Variants in ZFPM2 observed in about 807,000 individuals in gnomAD.
ZFPM2 encodes zinc finger protein ZFPM2.
A neutral mutation model predicts 98.6 loss-of-function variants in ZFPM2; 20 were observed. The ratio of observed to expected loss-of-function variants is 0.20; its 90% CI spans 0.14 to 0.29. ZFPM2 has a LOEUF of 0.29. Ranked by LOEUF, ZFPM2 falls within the 10% of genes least tolerant of loss-of-function variation. ZFPM2 has a pLI of 1.00. For missense variants in ZFPM2, 1,310 were observed against 1,388.6 expected, an observed-to-expected ratio of 0.94 and a Z score of 0.90; for synonymous variants, 518 against 502.7, an observed-to-expected ratio of 1.03 and a Z score of -0.41.
chr8:105,466,905 G>C (rs1449347027), intron 3 of ZFPM2, among the ~76,000 whole-genome samples: 4 of 151,940 alleles, frequency 2.6e-5, no homozygotes, highest in African/African-American at 9.7e-5. Context: ...TTTCTATTCA[G>C]ATAAAACTAG....
chr8:105,391,604 C>T (rs1352748084), intron 1 of ZFPM2, among the ~76,000 whole-genome samples: 1 of 152,172 alleles, frequency 6.6e-6, no homozygotes, highest in African/African-American at 2.4e-5. Flanking sequence ...TATTCTAAAT[C>T]CTTTATCATT....
intron 5 of ZFPM2, among the ~76,000 whole-genome samples, chr8:105,705,216 TGTA>T (rs1182416273): frequency 6.6e-6 from 1 of 152,098 alleles, no homozygotes; most frequent in Non-Finnish European, 1.5e-5. Context: ...TTTAATTTAA[TGTA>T]GTGTATATTT....
At chr8:105,384,025 T>C (rs1173173876) in intron 1 of ZFPM2, among the ~76,000 whole-genome samples, 4 of 152,184 alleles carry the variant, frequency 2.6e-5, no homozygotes, top group South Asian at 4.1e-4. Context: ...AACTGAAGTA[T>C]GCTTAGGAAA....
At chr8:105,514,190 A>G (rs1243783975) in intron 3 of ZFPM2, among the ~76,000 whole-genome samples, 1 of 151,228 alleles carries the variant, frequency 6.6e-6, no homozygotes, top group African/African-American at 2.4e-5. Flanking sequence ...TTTAGTAGAG[A>G]TGGGGTTTCA....
intron 1 of ZFPM2, among the ~76,000 whole-genome samples, chr8:105,357,095 T>C (rs1008630460): frequency 2.2e-5 from 3 of 139,236 alleles, no homozygotes; most frequent in Non-Finnish European, 4.9e-5. Context: ...TCCGGTGAAG[T>C]AGTACTGCTC....
intron 5 of ZFPM2, among the ~76,000 whole-genome samples, chr8:105,639,725 C>G (rs13254699): frequency 0.13 from 19,710 of 151,930 alleles, 1,322 homozygotes; most frequent in South Asian, 0.22. Context: ...TAAGTCAGTA[C>G]ACACTGAGAG....
intron 3 of ZFPM2, among the ~76,000 whole-genome samples, chr8:105,490,491 TAGAC>T (rs892822827): frequency 1.2e-4 from 18 of 152,228 alleles, no homozygotes; most frequent in Non-Finnish European, 2.5e-4. Flanking sequence ...CTGTAGCAGA[TAGAC>T]AGACCACAGC....
intron 5 of ZFPM2, among the ~76,000 whole-genome samples, chr8:105,641,644 C>T (rs1816950655): frequency 1.3e-5 from 2 of 152,024 alleles, no homozygotes; most frequent in Admixed American, 6.6e-5. Flanking sequence ...TATGCATTTA[C>T]TGTTTTTACT....
intron 7 of ZFPM2, among the ~76,000 whole-genome samples, chr8:105,799,830 A>T (rs563169013): frequency 6.6e-6 from 1 of 152,312 alleles, no homozygotes; most frequent in East Asian, 1.9e-4. Flanking sequence ...CTTTGCCTAG[A>T]TTAAATAATT....
chr8:105,759,029 G>A (rs1348261), intron 5 of ZFPM2, among the ~76,000 whole-genome samples: 89,543 of 151,910 alleles, frequency 0.59, 29,168 homozygotes, highest in African/African-American at 0.89. Flanking sequence ...TAAAGTATTT[G>A]CTGAATCCTT....
chr8:105,409,008 G>A (rs1287422246), intron 1 of ZFPM2, among the ~76,000 whole-genome samples: 3 of 151,774 alleles, frequency 2.0e-5, no homozygotes, highest in Non-Finnish European at 2.9e-5. Flanking sequence ...TTATAATAAG[G>A]TATTGGAGTG....
rs143880175 is a variant in ZFPM2, at chr8:105,528,620, T to C, written c.302-32743T>C. The stretch of plus-strand genomic sequence containing the variant: ...GGGTGGATTATTTGGAGAGATCGTG[T>C]ACAAATTATGATTAGGTCACAAAAG... On this transcript the variant is annotated intron_variant, in intron 3 of 7. Transcript: ENST00000407775. Among the ~76,000 whole-genome samples, 384 of 152,264 alleles carry C rather than the reference T, an allele frequency of 2.5e-3. 2 individuals carry two copies. The highest frequency in any genetic ancestry group is 8.1e-3 in the African/African-American group (338 of 41,556).
In ZFPM2 at chr8:105,663,613, T is replaced by C. The variant is rs185354984; in HGVS notation, c.532+29256T>C. On this transcript the variant is annotated intron_variant, in intron 5 of 7. Transcript: ENST00000407775. ...TATTACTTAACACTGATGAAGCATATTGCACTTCTCAAAGGACATTTGCTT... is the reference window on the plus strand; with the variant it reads ...TATTACTTAACACTGATGAAGCATACTGCACTTCTCAAAGGACATTTGCTT... Among the ~76,000 whole-genome samples the C allele has an allele frequency of 3.4e-4, 52 of 152,270 alleles. No individual in the cohort carries two copies. The East Asian group carries it at 9.3e-3, about 27-fold the overall frequency.
intron 3 of ZFPM2, among the ~76,000 whole-genome samples, chr8:105,501,688 T>C (rs1218456910): frequency 2.0e-5 from 3 of 151,572 alleles, no homozygotes; most frequent in Non-Finnish European, 2.9e-5. Flanking sequence ...AGTTTCACCA[T>C]CTTGGCCAGG....
chr8:105,472,889 CTTT>C (rs5893744), intron 3 of ZFPM2, among the ~76,000 whole-genome samples: 73 of 109,366 alleles, frequency 6.7e-4, no homozygotes, highest in African/African-American at 1.6e-3. Context: ...CTAAAGGGAC[CTTT>C]TTTTTTTTTT....
chr8:105,453,310 G>A (rs920516332), intron 3 of ZFPM2, among the ~76,000 whole-genome samples: 1 of 152,092 alleles, frequency 6.6e-6, no homozygotes, highest in Non-Finnish European at 1.5e-5. Context: ...TGATTTTTGA[G>A]TTCTTATTGC....
chr8:105,792,390 T>C (rs1433522438), intron 6 of ZFPM2, among the ~76,000 whole-genome samples: 2 of 152,222 alleles, frequency 1.3e-5, no homozygotes, highest in Non-Finnish European at 2.9e-5. Context: ...TTCCATGTAG[T>C]TGAGCGGTTT....
At chr8:105,626,376 A>T (rs1490999405) in intron 4 of ZFPM2, among the ~76,000 whole-genome samples, 1 of 152,198 alleles carries the variant, frequency 6.6e-6, no homozygotes, top group Non-Finnish European at 1.5e-5. Context: ...AGTTAAAAGG[A>T]GAGTGATACA....
At chr8:105,613,467 A>G (rs2130803333) in intron 4 of ZFPM2, among the ~76,000 whole-genome samples, 1 of 151,682 alleles carries the variant, frequency 6.6e-6, no homozygotes. Context: ...CAAATGTGGT[A>G]AAAAAAATAC....
Sources: gnomAD v4.1 joint callset for allele counts (sites outside exome capture counted in the v4.1 genomes callset) on GRCh38, gnomAD v4.1.1 for gene constraint, MANE v1.5 for transcripts, NCBI Gene and HGNC (gene_info 2026-07-23, HGNC 2026-07-21) for gene names.